HHAT: variants seen among roughly 807,000 people sequenced by gnomAD.
The protein encoded by HHAT is protein-cysteine N-palmitoyltransferase HHAT.
Under a neutral mutation model 70.8 loss-of-function variants are expected in HHAT, and 47 were observed. The ratio of observed to expected loss-of-function variants is 0.66; its 90% CI spans 0.53 to 0.85. The LOEUF is 0.85. Ranked by LOEUF, HHAT falls within the 40% of genes least tolerant of loss-of-function variation. The probability of loss-of-function intolerance (pLI) is 0.00; values close to 1 mark genes in which losing one functional copy is unlikely to be tolerated. For missense variants in HHAT, 609 were observed against 604.8 expected, an observed-to-expected ratio of 1.01 and a Z score of -0.07; for synonymous variants, 228 against 247.6, an observed-to-expected ratio of 0.92 and a Z score of 0.74.
chr1:210,437,630 T>C (rs754595827), intron 7 of HHAT, among the ~76,000 whole-genome samples: 4 of 151,886 alleles, frequency 2.6e-5, no homozygotes, highest in Non-Finnish European at 5.9e-5. Flanking sequence ...AGGACGGCTG[T>C]GGAAAGAGGC....
chr1:210,506,484 A>T (rs1250906650), intron 8 of HHAT, among the ~76,000 whole-genome samples: 1 of 151,940 alleles, frequency 6.6e-6, no homozygotes, highest in Non-Finnish European at 1.5e-5. Flanking sequence ...TACACACAAG[A>T]TTTTCTGTTT....
intron 7 of HHAT, among the ~76,000 whole-genome samples, chr1:210,441,212 G>A (rs1417327686): frequency 6.6e-6 from 1 of 152,230 alleles, no homozygotes; most frequent in Non-Finnish European, 1.5e-5. Context: ...AGGAACAGGA[G>A]AGGGACTGTG....
At position 210,546,741 on chromosome 1, in the gene HHAT, G is replaced by A. The variant is rs115453612; in HGVS notation, c.1043+33553G>A. ...AGGCACAGAGAAAAGCAAGGCAGTG[G>A]TTGCAGTGACCTGGGCTATGAAGGA... On this transcript the variant is annotated intron_variant, in intron 9 of 11. Coordinates refer to ENST00000261458, the MANE Select transcript of HHAT (RefSeq NM_018194.6). 9.2e-3 allele frequency among the ~76,000 whole-genome samples: 1,397 copies of A among 152,284 alleles called. 18 individuals are homozygous for A. Among genetic ancestry groups the A allele is most frequent in the African/African-American group, 0.03 (1,240 of 41,560 alleles).
chr1:210,415,011 T>A (rs1369326463), intron 6 of HHAT, among the ~76,000 whole-genome samples: 1 of 152,004 alleles, frequency 6.6e-6, no homozygotes, highest in East Asian at 1.9e-4. Flanking sequence ...AGAGTGAAAC[T>A]CTGTCTTAAA....
At chr1:210,436,405 T>G (rs1401324206) in intron 7 of HHAT, among the ~76,000 whole-genome samples, 4 of 151,766 alleles carry the variant, frequency 2.6e-5, no homozygotes, top group African/African-American at 9.7e-5. Flanking sequence ...GTGTGATGCC[T>G]TCAACTTCGT....
chr1:210,344,592 T>C (rs564645311), intron 1 of HHAT, among the ~76,000 whole-genome samples: 4 of 152,272 alleles, frequency 2.6e-5, no homozygotes, highest in African/African-American at 9.6e-5. Context: ...TAAAGTGGCT[T>C]AGCCATCAAC....
At chr1:210,637,877 G>GC (rs372363898) in intron 11 of HHAT, among the ~76,000 whole-genome samples, 20,460 of 149,904 alleles carry the variant, frequency 0.14, 1,634 homozygotes, top group South Asian at 0.21. Flanking sequence ...AAAAAGGGGG[G>GC]GGCAAAGGAC....
At chr1:210,335,265 A>G (rs1006483436) in intron 1 of HHAT, among the ~76,000 whole-genome samples, 1 of 151,804 alleles carries the variant, frequency 6.6e-6, no homozygotes, top group Non-Finnish European at 1.5e-5. Context: ...TTAACTCCAT[A>G]TATGAAGTAA....
intron 3 of HHAT, among the ~76,000 whole-genome samples, chr1:210,363,168 CTT>C (rs900478528): frequency 6.6e-6 from 1 of 152,182 alleles, no homozygotes; most frequent in Non-Finnish European, 1.5e-5. Flanking sequence ...ACAGTTTTCA[CTT>C]TTGTAAAGCT....
chr1:210,344,493 T>TA (rs2086330730), intron 1 of HHAT, among the ~76,000 whole-genome samples: 2 of 152,114 alleles, frequency 1.3e-5, no homozygotes. Context: ...AGTGTCCTAT[T>TA]AAGTTTTTCT....
chr1:210,464,940 A>G (rs1204188265), intron 8 of HHAT, among the ~76,000 whole-genome samples: 3 of 152,198 alleles, frequency 2.0e-5, no homozygotes, highest in Admixed American at 2.0e-4. Context: ...CTAACCTGGG[A>G]AAGGCTACTG....
intron 9 of HHAT, among the ~76,000 whole-genome samples, chr1:210,552,840 AC>A (rs1490208656): frequency 6.6e-6 from 1 of 152,042 alleles, no homozygotes; most frequent in African/African-American, 2.4e-5. Flanking sequence ...TCCTTGAGAA[AC>A]CTTCCTTGGC....
At chr1:210,506,353 G>T (rs1355190654) in intron 8 of HHAT, among the ~76,000 whole-genome samples, 1 of 152,112 alleles carries the variant, frequency 6.6e-6, no homozygotes, top group Non-Finnish European at 1.5e-5. Context: ...ACACGAACTT[G>T]GAAACTTGAG....
At chr1:210,645,288 A>T (rs746893866) in intron 11 of HHAT, among the ~76,000 whole-genome samples, 156 of 152,010 alleles carry the variant, frequency 1.0e-3, no homozygotes, top group Non-Finnish European at 1.7e-3. Flanking sequence ...AGGTATATAT[A>T]TTTTTTTGAG....
chr1:210,595,415 G>A (rs994149676), intron 10 of HHAT, among the ~76,000 whole-genome samples: 71 of 152,110 alleles, frequency 4.7e-4, no homozygotes, highest in Admixed American at 3.5e-3. Flanking sequence ...GAATAGTGCC[G>A]CAATAAACAT....
chr1:210,408,853 G>A (rs774949911), intron 6 of HHAT, among the ~76,000 whole-genome samples: 1 of 152,130 alleles, frequency 6.6e-6, no homozygotes, highest in African/African-American at 2.4e-5. Flanking sequence ...GTCTGAGCCA[G>A]GCTTTATACG....
At chr1:210,327,569 G>A (rs533433293), upstream of HHAT, among the ~76,000 whole-genome samples, 61 of 152,216 alleles carry the variant, frequency 4.0e-4, no homozygotes, top group African/African-American at 1.3e-3. Flanking sequence ...GCAGTGGTGC[G>A]ATCTGAGCTC....
At chr1:210,405,330 ACTTT>A (rs2092286203) in intron 6 of HHAT, among the ~76,000 whole-genome samples, 1 of 151,684 alleles carries the variant, frequency 6.6e-6, no homozygotes. Context: ...CTTGTTTAGA[ACTTT>A]CTTTTTTTTC....
intron 9 of HHAT, among the ~76,000 whole-genome samples, chr1:210,574,151 A>T (rs765415039): frequency 3.3e-5 from 5 of 152,252 alleles, no homozygotes; most frequent in Non-Finnish European, 7.3e-5. Flanking sequence ...GAGATCATCT[A>T]GATTGAGATG....
Sources: gnomAD v4.1 joint callset for allele counts (sites outside exome capture counted in the v4.1 genomes callset) on GRCh38, gnomAD v4.1.1 for gene constraint, MANE v1.5 for transcripts, NCBI Gene and HGNC (gene_info 2026-07-23, HGNC 2026-07-21) for gene names.